PRKG1: variants seen among roughly 807,000 people sequenced by gnomAD.
PRKG1 encodes the protein cGMP-dependent protein kinase 1.
Under a neutral mutation model 88.1 loss-of-function variants are expected in PRKG1, and 35 were observed. The observed-to-expected ratio is 0.40, with a 90% CI of 0.30 to 0.53. PRKG1 has a LOEUF of 0.53. Among genes scored for constraint, PRKG1 ranks in the 20% least tolerant of loss-of-function variants. The probability of loss-of-function intolerance (pLI) is 0.59; values close to 1 mark genes in which losing one functional copy is unlikely to be tolerated. For missense variants in PRKG1, 540 were observed against 839.8 expected, an observed-to-expected ratio of 0.64 and a Z score of 4.41; for synonymous variants, 303 against 292.5, an observed-to-expected ratio of 1.04 and a Z score of -0.37.
At chr10:51,684,290 A>G (rs1230243832) in intron 3 of PRKG1, among the ~76,000 whole-genome samples, 2 of 152,186 alleles carry the variant, frequency 1.3e-5, no homozygotes, top group Admixed American at 6.5e-5. Flanking sequence ...CAGAATATCT[A>G]TAGTGAGGAA....
intron 5 of PRKG1, among the ~76,000 whole-genome samples, chr10:52,043,024 A>G (rs1464413431): frequency 6.6e-6 from 1 of 152,160 alleles, no homozygotes; most frequent in Non-Finnish European, 1.5e-5. Context: ...CCATGATGAG[A>G]TTTCACCTCA....
intron 4 of PRKG1, among the ~76,000 whole-genome samples, chr10:51,845,946 T>A (rs1840387221): frequency 6.6e-6 from 1 of 152,164 alleles, no homozygotes; most frequent in Admixed American, 6.5e-5. Context: ...GAGTGTTTCT[T>A]AGAAAAGCTT....
chr10:51,885,512 C>T (rs557148459), intron 4 of PRKG1, among the ~76,000 whole-genome samples: 2 of 152,360 alleles, frequency 1.3e-5, no homozygotes, highest in African/African-American at 4.8e-5. Context: ...ATTCTCTGTT[C>T]TAGCTCCAAT....
intron 2 of PRKG1, among the ~76,000 whole-genome samples, chr10:51,180,172 G>A (rs1294735437): frequency 6.6e-6 from 1 of 152,104 alleles, no homozygotes. Context: ...AGGAGTTTTC[G>A]ACACCACTCA....
intron 2 of PRKG1, among the ~76,000 whole-genome samples, chr10:51,465,074 C>T (rs1278933660): frequency 4.6e-5 from 7 of 152,088 alleles, no homozygotes; most frequent in Admixed American, 3.9e-4. Flanking sequence ...GTTATATGAG[C>T]ATGGCTTTTC....
At chr10:51,355,667 T>C (rs1842351332) in intron 2 of PRKG1, among the ~76,000 whole-genome samples, 1 of 152,016 alleles carries the variant, frequency 6.6e-6, no homozygotes, top group African/African-American at 2.4e-5. Context: ...CCCAGATTTT[T>C]TTTTCATTCA....
intron 5 of PRKG1, among the ~76,000 whole-genome samples, chr10:51,973,640 C>T (rs1564735016): frequency 6.6e-6 from 1 of 152,190 alleles, no homozygotes; most frequent in Non-Finnish European, 1.5e-5. Context: ...CAGCTCTAAA[C>T]AGTTCATCTT....
intron 1 of PRKG1, among the ~76,000 whole-genome samples, chr10:51,040,152 T>C (rs2132756675): frequency 6.6e-6 from 1 of 152,062 alleles, no homozygotes; most frequent in South Asian, 2.1e-4. Context: ...ATTGAATCCA[T>C]AGATTGCTTT....
intron 1 of PRKG1, among the ~76,000 whole-genome samples, chr10:51,037,067 A>C (rs1160943426): frequency 6.6e-6 from 1 of 152,340 alleles, no homozygotes; most frequent in African/African-American, 2.4e-5. Flanking sequence ...AGTGGAAAAT[A>C]AAAACACTCA....
chr10:51,562,895 A>C (rs987290380), intron 3 of PRKG1, among the ~76,000 whole-genome samples: 1 of 152,030 alleles, frequency 6.6e-6, no homozygotes, highest in Non-Finnish European at 1.5e-5. Flanking sequence ...CAGCCTCCTG[A>C]GTAGCTGAGA....
chr10:51,890,626 A>G (rs912648323), intron 4 of PRKG1, among the ~76,000 whole-genome samples: 8 of 152,216 alleles, frequency 5.3e-5, no homozygotes, highest in African/African-American at 1.7e-4. Context: ...TTCACATTTG[A>G]AAGATTAAAA....
intron 3 of PRKG1, among the ~76,000 whole-genome samples, chr10:51,646,211 G>C (rs901528675): frequency 1.3e-5 from 2 of 152,068 alleles, no homozygotes; most frequent in Non-Finnish European, 2.9e-5. Flanking sequence ...CAATCTTGAC[G>C]CTATTAGTAC....
chr10:51,301,396 T>C (rs1412172291), intron 2 of PRKG1, among the ~76,000 whole-genome samples: 1 of 152,142 alleles, frequency 6.6e-6, no homozygotes, highest in Non-Finnish European at 1.5e-5. Context: ...AGGTACCTTC[T>C]TTTAGACCTG....
At chr10:51,468,088 T>G (rs73336219) in intron 3 of PRKG1, among the ~76,000 whole-genome samples, 68 of 152,050 alleles carry the variant, frequency 4.5e-4, no homozygotes, top group African/African-American at 1.6e-3. Context: ...TAATTAGGAT[T>G]TTTTAAATCA....
chr10:51,746,869 G>A lies in PRKG1; in HGVS notation c.593-57716G>A, dbSNP rs570066181. Among the ~76,000 whole-genome samples the A allele has an allele frequency of 4.6e-5, 7 of 152,292 alleles. No homozygotes were observed. The South Asian group carries it at 1.4e-3, about 32-fold the overall frequency. On this transcript the variant is annotated intron_variant, in intron 3 of 17. Transcript: ENST00000373980. ...CTCTCCCAAAGCAGTTCCCCTCCAT[G>A]TACGGCAACAAAATATTATTTTCCA...
rs186447951 is a variant in PRKG1 at position 52,230,593 on chromosome 10, T to G, written c.1077-20977T>G. The stretch of plus-strand genomic sequence containing the variant: ...TGAAGAAGACTGGCTCCAGAGGTTA[T>G]GCTTCAGTTGTTGTATATTACTGCC... On this transcript the variant is annotated intron_variant, in intron 9 of 17. Transcript: ENST00000373980. 2.0e-4 allele frequency: 31 copies of G among 152,346 alleles called. 1 individual carries two copies. The East Asian group carries it at 5.8e-3, about 28-fold the overall frequency. 9.4% of individuals were successfully genotyped at this position (152,346 alleles called of 1,614,324 possible).
intron 2 of PRKG1, among the ~76,000 whole-genome samples, chr10:51,303,797 A>G (rs187345960): frequency 2.6e-5 from 4 of 152,066 alleles, no homozygotes; most frequent in African/African-American, 7.2e-5. Flanking sequence ...AAATAAAACT[A>G]TATCTATATA....
At chr10:52,072,158 C>CTTTTTTTTTTTTTTTTTTTTTTTTTTTTT (rs60576406) in intron 7 of PRKG1, among the ~76,000 whole-genome samples, 12 of 39,558 alleles carry the variant, frequency 3.0e-4, no homozygotes, top group Admixed American at 4.4e-4. Flanking sequence ...TATTGTTTTG[C>CTTTTTTTTTTTTTTTTTTTTTTTTTTTTT]TTTTTTTTTT....
intron 1 of PRKG1, among the ~76,000 whole-genome samples, chr10:51,039,953 T>C (rs552384862): frequency 6.6e-6 from 1 of 152,184 alleles, no homozygotes; most frequent in African/African-American, 2.4e-5. Context: ...TTCAGGCCAG[T>C]TATCATGCTA....
Sources: gnomAD v4.1 joint callset for allele counts (sites outside exome capture counted in the v4.1 genomes callset) on GRCh38, gnomAD v4.1.1 for gene constraint, MANE v1.5 for transcripts, NCBI Gene and HGNC (gene_info 2026-07-23, HGNC 2026-07-21) for gene names.